Variants in NSUN3 observed in about 807,000 individuals in gnomAD.
NSUN3 encodes the protein tRNA (cytosine(34)-C(5))-methyltransferase, mitochondrial.
NSUN3 carries 24 observed loss-of-function variants against 36.8 expected under a neutral mutation model. The observed-to-expected ratio is 0.65, with a 90% CI of 0.47 to 0.92. NSUN3 has a LOEUF of 0.92. Among genes scored for constraint, NSUN3 ranks in the 40% least tolerant of loss-of-function variants. NSUN3 has a pLI of 0.00. For missense variants in NSUN3, 381 were observed against 392.8 expected, an observed-to-expected ratio of 0.97 and a Z score of 0.25; for synonymous variants, 146 against 145.2, an observed-to-expected ratio of 1.01 and a Z score of -0.04.
At chr3:94,101,970 A>C (rs2077367672) in intron 5 of NSUN3, among the ~76,000 whole-genome samples, 1 of 152,148 alleles carries the variant, frequency 6.6e-6, no homozygotes, top group Non-Finnish European at 1.5e-5. Flanking sequence ...AACTTATTGC[A>C]GTAATGTATC....
chr3:94,109,643 A>G (rs2077407861), intron 5 of NSUN3, among the ~76,000 whole-genome samples: 1 of 152,236 alleles, frequency 6.6e-6, no homozygotes, highest in Admixed American at 6.5e-5. Flanking sequence ...ATCTGCAGAA[A>G]AGTTGGTGGA....
At chr3:94,108,208 T>A (rs2077399095) in intron 5 of NSUN3, among the ~76,000 whole-genome samples, 1 of 152,168 alleles carries the variant, frequency 6.6e-6, no homozygotes, top group African/African-American at 2.4e-5. Context: ...TTTACTTTTT[T>A]TTATTATTAT....
intron 3 of NSUN3, among the ~76,000 whole-genome samples, chr3:94,086,627 A>G (rs973654913): frequency 7.9e-5 from 12 of 152,250 alleles, no homozygotes; most frequent in African/African-American, 2.4e-4. Flanking sequence ...ATTGGTACAA[A>G]TATATCAGTT....
intron 5 of NSUN3, among the ~76,000 whole-genome samples, chr3:94,102,608 G>T (rs548330091): frequency 2.0e-5 from 3 of 151,798 alleles, no homozygotes; most frequent in Admixed American, 6.6e-5. Context: ...TTAAGTTTAG[G>T]TGGCAGTAGT....
At chr3:94,096,863 G>C (rs142306234) in intron 5 of NSUN3, among the ~76,000 whole-genome samples, 19 of 152,262 alleles carry the variant, frequency 1.2e-4, no homozygotes, top group African/African-American at 4.3e-4. Context: ...ACCTGTAACA[G>C]ATACCAAATC....
At chr3:94,086,310 G>A (rs2077292708) in intron 3 of NSUN3, among the ~76,000 whole-genome samples, 1 of 152,158 alleles carries the variant, frequency 6.6e-6, no homozygotes, top group South Asian at 2.1e-4. Context: ...CGATACCCTG[G>A]CACATTCTAC....
chr3:94,114,675 C>T (rs1368138262), intron 5 of NSUN3, among the ~76,000 whole-genome samples: 5 of 152,048 alleles, frequency 3.3e-5, no homozygotes, highest in East Asian at 1.9e-4. Context: ...GGATGTGTTG[C>T]GTGATGCCGA....
chr3:94,090,999 C>T (rs1367133472), intron 3 of NSUN3, among the ~76,000 whole-genome samples: 1 of 152,170 alleles, frequency 6.6e-6, no homozygotes, highest in African/African-American at 2.4e-5. Context: ...TGCCTGTCTT[C>T]AACTTTGATG....
At chr3:94,078,708 G>T (rs1275925001) in intron 2 of NSUN3, among the ~76,000 whole-genome samples, 1 of 152,034 alleles carries the variant, frequency 6.6e-6, no homozygotes, top group African/African-American at 2.4e-5. Flanking sequence ...TGTCTATTTT[G>T]ATCTTTGTTG....
rs747582454 is a variant in NSUN3, at chr3:94,084,166, A to G, written c.182A>G (p.Tyr61Cys). The G allele has an allele frequency of 9.3e-6, 15 of 1,614,036 alleles. No individual in the cohort carries two copies. In the South Asian group the frequency reaches 1.6e-4, roughly 18 times the overall value. The change falls in exon 3 of 6, where the codon TAT (tyrosine) becomes TGT (cysteine). Residue 61 changes from tyrosine to cysteine, a missense_variant. Coordinates refer to ENST00000314622, the MANE Select transcript of NSUN3 (RefSeq NM_022072.5). Reference protein sequence around the residue: ...QYAVLLNRFNYPFELEKDLHL... With the variant: ...QYAVLLNRFNCPFELEKDLHL... ...GCTGTCCTGCTTAACCGATTCAATTATCCTTTTGAACTGGAAAAGGATTTA... is the reference window on the plus strand; with the variant it reads ...GCTGTCCTGCTTAACCGATTCAATTGTCCTTTTGAACTGGAAAAGGATTTA...
rs1225912236 is a variant in NSUN3, at chr3:94,084,104, T to C, written c.123-3T>C. 2.5e-6 allele frequency: 4 copies of C among 1,595,090 alleles called. No individual in the cohort carries two copies. The highest frequency in any genetic ancestry group is 3.3e-4 in the Middle Eastern group (2 of 6,010). On this transcript the variant is annotated splice_region_variant and splice_polypyrimidine_tract_variant and intron_variant, in intron 2 of 5. Coordinates refer to ENST00000314622, the MANE Select transcript of NSUN3 (RefSeq NM_022072.5). The stretch of plus-strand genomic sequence containing the variant: ...CTCTTATTTTCTCTTTTTCTATTTC[T>C]AGGGAGATACTAACATCTCCATCAT...
intron 5 of NSUN3, among the ~76,000 whole-genome samples, chr3:94,115,778 A>T (rs78787208): frequency 3.3e-5 from 5 of 152,158 alleles, no homozygotes; most frequent in Non-Finnish European, 5.9e-5. Flanking sequence ...CAGAATGCCA[A>T]ATTTTCTAAT....
chr3:94,095,785 C>G (rs935331145), intron 5 of NSUN3, among the ~76,000 whole-genome samples: 2 of 152,028 alleles, frequency 1.3e-5, no homozygotes. Flanking sequence ...CTCACTCTGT[C>G]GCCCAGGCTG....
intron 5 of NSUN3, among the ~76,000 whole-genome samples, chr3:94,119,568 C>T (rs1024576908): frequency 2.6e-5 from 4 of 151,678 alleles, no homozygotes; most frequent in Admixed American, 6.6e-5. Context: ...CAGCTGGGTT[C>T]CTAATAGGTC....
chr3:94,095,472 A>G (rs1047418201), intron 5 of NSUN3, among the ~76,000 whole-genome samples: 1 of 152,156 alleles, frequency 6.6e-6, no homozygotes, highest in African/African-American at 2.4e-5. Flanking sequence ...TGTTTCTTTT[A>G]CCAGAATCTG....
At chr3:94,110,707 A>G (rs1280226374) in intron 5 of NSUN3, among the ~76,000 whole-genome samples, 2 of 152,046 alleles carry the variant, frequency 1.3e-5, no homozygotes, top group African/African-American at 4.8e-5. Flanking sequence ...AGAGTTCTCC[A>G]GAGAAAAAGA....
At chr3:94,108,252 A>C (rs934145464) in intron 5 of NSUN3, among the ~76,000 whole-genome samples, 22 of 152,154 alleles carry the variant, frequency 1.4e-4, no homozygotes, top group African/African-American at 5.3e-4. Flanking sequence ...GCAGAACTCT[A>C]TTCAGAATTT....
At position 94,084,130 on chromosome 3, in the gene NSUN3, G is replaced by A; in HGVS notation, c.146G>A (p.Cys49Tyr). The A allele has an allele frequency of 1.2e-6, 2 of 1,613,326 alleles. No homozygotes were observed. Among genetic ancestry groups the A allele is most frequent in the Non-Finnish European group, 1.7e-6 (2 of 1,179,496 alleles). The change falls in exon 3 of 6, where the codon TGC becomes TAC. Residue 49 changes from cysteine to tyrosine, a missense_variant. Coordinates refer to ENST00000314622, the MANE Select transcript of NSUN3 (RefSeq NM_022072.5). Reference protein sequence around the residue: ...TVREILTSPSCWQYAVLLNRF... With the variant: ...TVREILTSPSYWQYAVLLNRF... The stretch of plus-strand genomic sequence containing the variant: ...AGGGAGATACTAACATCTCCATCAT[G>A]CTGGCAATATGCTGTCCTGCTTAAC...
chr3:94,094,408 G>A, intron 4 of NSUN3, 114 bp downstream of exon 4: 1 of 1,048,076 alleles, frequency 9.5e-7, no homozygotes, highest in South Asian at 1.9e-5. Flanking sequence ...CAGTTTCTCA[G>A]TACCCTGGAA....
Sources: allele counts gnomAD v4.1 joint callset (sites outside exome capture counted in the v4.1 genomes callset), GRCh38; gene constraint gnomAD v4.1.1; transcripts MANE v1.5; gene names NCBI Gene and HGNC (gene_info 2026-07-23, HGNC 2026-07-21).